ATXN1: variants seen among roughly 807,000 people sequenced by gnomAD.
ATXN1 encodes the protein ataxin-1.
In ATXN1, 8 loss-of-function variants were observed where a neutral mutation model predicts 56.4. The ratio of observed to expected loss-of-function variants is 0.14; its 90% CI spans 0.08 to 0.26. The LOEUF is 0.26. ATXN1 is among the 10% of genes least tolerant of loss of function. The probability of loss-of-function intolerance (pLI) is 1.00; values close to 1 mark genes in which losing one functional copy is unlikely to be tolerated. For missense variants in ATXN1, 987 were observed against 1,106.5 expected, an observed-to-expected ratio of 0.89 and a Z score of 1.53; for synonymous variants, 514 against 494.6, an observed-to-expected ratio of 1.04 and a Z score of -0.52.
At chr6:16,604,035 GGAAGCT>G (rs751102611) in intron 3 of ATXN1, among the ~76,000 whole-genome samples, 1 of 152,108 alleles carries the variant, frequency 6.6e-6, no homozygotes, top group Non-Finnish European at 1.5e-5. Flanking sequence ...GAATGACCAT[GGAAGCT>G]GAATCCACAA....
intron 3 of ATXN1, among the ~76,000 whole-genome samples, chr6:16,644,376 G>A (rs1347839170): frequency 2.6e-5 from 4 of 152,056 alleles, no homozygotes; most frequent in South Asian, 2.1e-4. Context: ...TTCCCTGGGC[G>A]TGGCGGCATG....
chr6:16,745,705 T>A (rs968563618), intron 2 of ATXN1, among the ~76,000 whole-genome samples: 6 of 152,068 alleles, frequency 3.9e-5, no homozygotes, highest in Admixed American at 6.6e-5. Flanking sequence ...ACTGCCAGGT[T>A]AGTGGAGGGT....
intron 3 of ATXN1, among the ~76,000 whole-genome samples, chr6:16,626,950 T>C (rs2299071): frequency 0.39 from 59,107 of 151,932 alleles, 14,969 homozygotes; most frequent in African/African-American, 0.72. Context: ...AAACTTACTG[T>C]CTCTAGAATC....
intron 1 of ATXN1, among the ~76,000 whole-genome samples, chr6:16,759,353 G>A (rs1305407093): frequency 6.6e-6 from 1 of 152,218 alleles, no homozygotes; most frequent in Non-Finnish European, 1.5e-5. Flanking sequence ...GGGTGTAATA[G>A]GGTCTTCTAA....
intron 6 of ATXN1, among the ~76,000 whole-genome samples, chr6:16,431,470 A>G (rs904888852): frequency 6.6e-6 from 1 of 152,212 alleles, no homozygotes. Context: ...AAGACCCTCT[A>G]AAATTCTCCA....
At chr6:16,469,997 GGTTTCAAAGA>G (rs1561908441) in intron 6 of ATXN1, among the ~76,000 whole-genome samples, 4 of 151,602 alleles carry the variant, frequency 2.6e-5, no homozygotes, top group Admixed American at 6.6e-5. Context: ...GTTGATGAAT[GGTTTCAAAGA>G]GTTTCAAAGA....
At chr6:16,586,001 T>C (rs1187542511) in intron 3 of ATXN1, 94 bp from the exon 4 acceptor site, 1 of 151,868 alleles carries the variant, frequency 6.6e-6, no homozygotes, top group Non-Finnish European at 1.5e-5. Flanking sequence ...AAACATCATA[T>C]TGCATAATCT....
chr6:16,347,656 CTCTT>C (rs548131685), intron 6 of ATXN1, among the ~76,000 whole-genome samples: 10 of 152,164 alleles, frequency 6.6e-5, no homozygotes, highest in Non-Finnish European at 1.3e-4. Flanking sequence ...TGTGTCGACA[CTCTT>C]TATTTAGCTA....
chr6:16,338,811 G>A (rs947815571), intron 6 of ATXN1, among the ~76,000 whole-genome samples: 1 of 152,126 alleles, frequency 6.6e-6, no homozygotes, highest in Non-Finnish European at 1.5e-5. Context: ...ATCTGTGATA[G>A]AAAAAGAGGA....
intron 3 of ATXN1, among the ~76,000 whole-genome samples, chr6:16,590,671 C>A (rs1008242269): frequency 1.4e-5 from 2 of 145,252 alleles, no homozygotes; most frequent in Non-Finnish European, 3.0e-5. Flanking sequence ...TCATAACATT[C>A]TTTTTTTTTT....
At chr6:16,473,118 T>C (rs1012919812) in intron 6 of ATXN1, among the ~76,000 whole-genome samples, 10 of 152,346 alleles carry the variant, frequency 6.6e-5, no homozygotes, top group Admixed American at 5.9e-4. Flanking sequence ...GTATGTTCTT[T>C]TTTAATGAAA....
chr6:16,356,434 G>A (rs1761689639), intron 6 of ATXN1, among the ~76,000 whole-genome samples: 1 of 152,174 alleles, frequency 6.6e-6, no homozygotes, highest in African/African-American at 2.4e-5. Flanking sequence ...TTTGCTGTTG[G>A]CAATGTTATG....
chr6:16,408,765 G>A (rs1243504285), intron 6 of ATXN1, among the ~76,000 whole-genome samples: 1 of 152,158 alleles, frequency 6.6e-6, no homozygotes, highest in Non-Finnish European at 1.5e-5. Flanking sequence ...GTTTTTTAGA[G>A]TTGAGGTCTC....
At chr6:16,404,677 C>T (rs1214996133) in intron 6 of ATXN1, among the ~76,000 whole-genome samples, 10 of 150,760 alleles carry the variant, frequency 6.6e-5, no homozygotes, top group South Asian at 2.1e-4. Flanking sequence ...GTGCACCATA[C>T]GCACATGCAC....
At chr6:16,550,208 G>T (rs1761895908) in intron 4 of ATXN1, among the ~76,000 whole-genome samples, 1 of 147,554 alleles carries the variant, frequency 6.8e-6, no homozygotes, top group African/African-American at 2.5e-5. Context: ...ACACACCCTA[G>T]CAAGTGGTCA....
At chr6:16,454,272 C>A (rs1299759571) in intron 6 of ATXN1, among the ~76,000 whole-genome samples, 2 of 151,956 alleles carry the variant, frequency 1.3e-5, no homozygotes, top group African/African-American at 4.8e-5. Context: ...AGAGAGCTGA[C>A]CAGGAACTGA....
At position 16,389,346 on chromosome 6, in the gene ATXN1, AG is replaced by A. The variant is rs779610153; in HGVS notation, c.-160-60877del. 4.2e-3 allele frequency among the ~76,000 whole-genome samples: 628 copies of A among 148,028 alleles called. 9 individuals carry two copies. The highest frequency in any genetic ancestry group is 0.015 in the African/African-American group (587 of 40,226). ...AGCGAGACTCCATCTCCAAAAAAAA[AG>A]AAAAAAAAAAAAGGAAAGAAAAAGA... On this transcript the variant is annotated intron_variant, in intron 6 of 7. Coordinates refer to ENST00000436367, the MANE Select transcript of ATXN1 (RefSeq NM_001128164.2).
intron 7 of ATXN1, among the ~76,000 whole-genome samples, chr6:16,321,988 G>A (rs761642137): frequency 4.6e-5 from 7 of 152,216 alleles, no homozygotes; most frequent in East Asian, 1.9e-4. Flanking sequence ...TTGGGAGACC[G>A]AGGTGGGTGG....
intron 6 of ATXN1, among the ~76,000 whole-genome samples, chr6:16,380,456 A>T (rs1758078597): frequency 6.6e-6 from 1 of 151,780 alleles, no homozygotes; most frequent in Non-Finnish European, 1.5e-5. Context: ...GGGAGATAGT[A>T]AGGAACTGGC....
Sources: gnomAD v4.1 joint callset for allele counts (sites outside exome capture counted in the v4.1 genomes callset) on GRCh38, gnomAD v4.1.1 for gene constraint, MANE v1.5 for transcripts, NCBI Gene and HGNC (gene_info 2026-07-23, HGNC 2026-07-21) for gene names.